Variants in CAMTA1 observed in about 807,000 individuals in gnomAD.
The protein encoded by CAMTA1 is calmodulin-binding transcription activator 1.
CAMTA1 carries 27 observed loss-of-function variants against 170.9 expected under a neutral mutation model. The ratio of observed to expected loss-of-function variants is 0.16; its 90% CI spans 0.12 to 0.22. CAMTA1 has a LOEUF of 0.22. Among genes scored for constraint, CAMTA1 ranks in the 10% least tolerant of loss-of-function variants. The probability of loss-of-function intolerance (pLI) is 1.00; values close to 1 mark genes in which losing one functional copy is unlikely to be tolerated. For missense variants in CAMTA1, 1,619 were observed against 2,217.2 expected, an observed-to-expected ratio of 0.73 and a Z score of 5.42; for synonymous variants, 833 against 891.5, an observed-to-expected ratio of 0.93 and a Z score of 1.17.
intron 4 of CAMTA1, among the ~76,000 whole-genome samples, chr1:7,197,191 C>T (rs1310999034): frequency 6.6e-6 from 1 of 152,168 alleles, no homozygotes; most frequent in African/African-American, 2.4e-5. Context: ...GAAGCTGTGA[C>T]ACCCTCTGAG....
chr1:6,848,664 G>A (rs977501872), intron 3 of CAMTA1, among the ~76,000 whole-genome samples: 5 of 152,172 alleles, frequency 3.3e-5, no homozygotes, highest in African/African-American at 9.7e-5. Flanking sequence ...CCTCTAAGAC[G>A]TGATCCTGTC....
At chr1:7,078,427 TC>T (rs2147999148) in intron 3 of CAMTA1, among the ~76,000 whole-genome samples, 1 of 152,282 alleles carries the variant, frequency 6.6e-6, no homozygotes, top group East Asian at 1.9e-4. Context: ...CTTCAGACAC[TC>T]TCTCTCCCTC....
chr1:7,210,549 C>T (rs974962956), intron 4 of CAMTA1, among the ~76,000 whole-genome samples: 4 of 152,120 alleles, frequency 2.6e-5, no homozygotes, highest in Non-Finnish European at 4.4e-5. Flanking sequence ...ATAATTAATT[C>T]GCATTTTATG....
intron 6 of CAMTA1, among the ~76,000 whole-genome samples, chr1:7,530,584 C>G (rs765123236): frequency 2.0e-5 from 3 of 151,902 alleles, no homozygotes; most frequent in Non-Finnish European, 4.4e-5. Context: ...GGAAGCTGCC[C>G]GAGGCTGCAC....
Position 6,925,317 on chromosome 1 carries a change from G to A in CAMTA1, c.234+100107G>A, listed in dbSNP as rs553426615. On this transcript the variant is annotated intron_variant, in intron 3 of 22. Coordinates refer to ENST00000303635, the MANE Select transcript of CAMTA1 (RefSeq NM_015215.4). ...CTCCTGTCTCTCATGCCTCCCCTGC[G>A]CGTCATGGGGTTACACGTGTCCTCA... Among the ~76,000 whole-genome samples the A allele has an allele frequency of 7.2e-5, 11 of 152,314 alleles. 1 individual carries two copies. Among genetic ancestry groups the A allele is most frequent in the South Asian group, 6.2e-4 (3 of 4,826 alleles).
rs1645992695 is a variant in CAMTA1 at position 7,143,289 on chromosome 1, T to A, written c.302+51918T>A. On this transcript the variant is annotated intron_variant, in intron 4 of 22. Transcript: ENST00000303635. ...CATCCATGGTATACAGGTAGCAGCC[T>A]CCATTCTCATCAGATATTATGTATT... 2.0e-5 allele frequency among the ~76,000 whole-genome samples: 3 copies of A among 152,188 alleles called. No homozygotes were observed. The South Asian group carries it at 6.2e-4, about 32-fold the overall frequency.
At chr1:7,268,940 A>G (rs1669306238) in intron 5 of CAMTA1, among the ~76,000 whole-genome samples, 1 of 152,268 alleles carries the variant, frequency 6.6e-6, no homozygotes. Context: ...GGTGAGAACC[A>G]TAATATATAA....
intron 4 of CAMTA1, among the ~76,000 whole-genome samples, chr1:7,205,681 G>C (rs1399189430): frequency 2.0e-5 from 3 of 152,092 alleles, no homozygotes; most frequent in African/African-American, 7.2e-5. Context: ...TTGAATATCA[G>C]ATGTGTCTTC....
intron 5 of CAMTA1, among the ~76,000 whole-genome samples, chr1:7,461,964 G>A (rs2093100029): frequency 6.6e-6 from 1 of 152,250 alleles, no homozygotes. Flanking sequence ...CTGCCTAAGG[G>A]CGCACAGGAA....
chr1:7,075,956 C>T (rs1371491952), intron 3 of CAMTA1, among the ~76,000 whole-genome samples: 1 of 152,180 alleles, frequency 6.6e-6, no homozygotes, highest in East Asian at 1.9e-4. Context: ...AACCACCACG[C>T]CCGGCCCAAT....
At chr1:7,502,015 C>T (rs1266006119) in intron 6 of CAMTA1, among the ~76,000 whole-genome samples, 1 of 152,238 alleles carries the variant, frequency 6.6e-6, no homozygotes, top group East Asian at 1.9e-4. Flanking sequence ...GATCCTCTGC[C>T]TTGGCTGCAA....
chr1:7,048,909 G>A (rs1275488986), intron 3 of CAMTA1, among the ~76,000 whole-genome samples: 2 of 152,166 alleles, frequency 1.3e-5, no homozygotes, highest in African/African-American at 2.4e-5. Flanking sequence ...AAGATGAGCC[G>A]TCAACCTGTG....
intron 11 of CAMTA1, among the ~76,000 whole-genome samples, chr1:7,715,211 G>A (rs570627570): frequency 1.3e-5 from 2 of 152,136 alleles, no homozygotes; most frequent in African/African-American, 2.4e-5. Context: ...ATCAGGAAAA[G>A]GGGGGAAGAG....
intron 3 of CAMTA1, among the ~76,000 whole-genome samples, chr1:6,951,058 C>G (rs1011215188): frequency 1.3e-5 from 2 of 152,212 alleles, no homozygotes; most frequent in African/African-American, 4.8e-5. Context: ...TGGTTTTGGG[C>G]TGGGAGTTGC....
intron 6 of CAMTA1, among the ~76,000 whole-genome samples, chr1:7,583,571 A>G (rs1005536010): frequency 9.2e-5 from 14 of 152,150 alleles, no homozygotes; most frequent in Admixed American, 7.9e-4. Flanking sequence ...AGGACCCAGC[A>G]GTCTTCCCCT....
Position 7,144,703 on chromosome 1 carries a change from C to T in CAMTA1, c.302+53332C>T, listed in dbSNP as rs1386262861. ...AAACTGTGTCAAATGTATTTGCTTC[C>T]TTCTACCAGTCCTGTCTGGTAATCT... On this transcript the variant is annotated intron_variant, in intron 4 of 22. Coordinates refer to ENST00000303635, the MANE Select transcript of CAMTA1 (RefSeq NM_015215.4). This position sits in a 1 kb window ranked among gnomAD's most constrained non-coding sequence, Gnocchi z 4.0. Among the ~76,000 whole-genome samples the T allele has an allele frequency of 1.3e-5, 2 of 152,356 alleles. No individual in the cohort carries two copies. The highest frequency in any genetic ancestry group is 2.9e-5 in the Non-Finnish European group (2 of 68,038).
chr1:7,161,710 G>T (rs1318721719), intron 4 of CAMTA1, among the ~76,000 whole-genome samples: 2 of 152,120 alleles, frequency 1.3e-5, no homozygotes, highest in Non-Finnish European at 2.9e-5. Context: ...TCTTTCTTTT[G>T]TAAATTGCCC....
In CAMTA1 at chr1:7,609,848, G is replaced by A. The variant is rs932012665; in HGVS notation, c.511-30552G>A. Among the ~76,000 whole-genome samples, 2 of 152,192 alleles carry A rather than the reference G, an allele frequency of 1.3e-5. No homozygotes were observed. The highest frequency in any genetic ancestry group is 1.5e-5 in the Non-Finnish European group (1 of 68,028). On this transcript the variant is annotated intron_variant, in intron 6 of 22. Transcript: ENST00000303635. The surrounding 1 kb of genome is among the most constrained non-coding windows in gnomAD (Gnocchi z 4.4). ...AGGAACTGAGGTTCCTGGCATCCGG[G>A]TAGAGTCCAAACATGGAAGCTCGGA... is the stretch of plus-strand genomic sequence containing the variant.
rs1267327894 is a variant in CAMTA1, at chr1:7,685,127, G to T, written c.2914+7394G>T. Among the ~76,000 whole-genome samples the T allele has an allele frequency of 1.3e-5, 2 of 152,168 alleles. No homozygotes were observed. The highest frequency in any genetic ancestry group is 2.4e-5 in the African/African-American group (1 of 41,436). ...CGCAGGCACCGTCCTGCGGTCACAG[G>T]TGGTGTGTTTTGAGGAGTTCGCAGG... On this transcript the variant is annotated intron_variant, in intron 11 of 22. Transcript: ENST00000303635. The surrounding 1 kb of genome is among the most constrained non-coding windows in gnomAD (Gnocchi z 5.7).
Sources: allele counts gnomAD v4.1 joint callset (sites outside exome capture counted in the v4.1 genomes callset), GRCh38; gene constraint gnomAD v4.1.1; non-coding constraint Gnocchi (gnomAD v3.1); transcripts MANE v1.5; gene names NCBI Gene and HGNC (gene_info 2026-07-23, HGNC 2026-07-21).